CEP85L: variants seen among roughly 807,000 people sequenced by gnomAD.
CEP85L encodes centrosomal protein 85L.
In CEP85L, 60 loss-of-function variants were observed where a neutral mutation model predicts 100.3. The ratio of observed to expected loss-of-function variants is 0.60; its 90% confidence interval spans 0.49 to 0.74. CEP85L has a LOEUF of 0.74. Ranked by LOEUF, CEP85L falls within the 30% of genes least tolerant of loss-of-function variation. The probability of loss-of-function intolerance (pLI) is 0.00; values close to 1 mark genes in which losing one functional copy is unlikely to be tolerated. For missense variants in CEP85L, 973 were observed against 936.2 expected (o/e 1.04, Z -0.51); for synonymous variants, 319 against 322.7 (o/e 0.99, Z 0.12).
intron 5 of CEP85L, among the ~76,000 whole-genome samples, chr6:118,506,220 A>C (rs1053530941): frequency 6.6e-6 from 1 of 152,200 alleles, no homozygotes; most frequent in Non-Finnish European, 1.5e-5. Flanking sequence ...CACTAACAAA[A>C]ACAGTGACTC....
intron 7 of CEP85L, among the ~76,000 whole-genome samples, chr6:118,482,772 T>C (rs946492158): frequency 6.6e-6 from 1 of 152,212 alleles, no homozygotes; most frequent in African/African-American, 2.4e-5. Context: ...TCATGCAACC[T>C]CCTGCAGTCC....
intron 1 of CEP85L, among the ~76,000 whole-genome samples, chr6:118,707,708 A>C (rs1370412718): frequency 6.6e-6 from 1 of 152,168 alleles, no homozygotes; most frequent in Non-Finnish European, 1.5e-5. Flanking sequence ...TAGGTATAGG[A>C]GTTTTATACT....
chr6:118,651,463 C>T lies in CEP85L; in HGVS notation c.-194G>A, dbSNP rs1775556771. On this transcript the variant is annotated 5_prime_UTR_variant, in exon 1 of 13. Coordinates refer to ENST00000368491, the MANE Select transcript of CEP85L (RefSeq NM_001042475.3). ...GCCAGATTCGCCGCACTGCCGGCGC[C>T]TGCCATGGCCAAGCCGGCTGGGCTG... is the stretch of plus-strand genomic sequence containing the variant. The T allele has an allele frequency of 3.0e-6, 4 of 1,318,254 alleles. No homozygotes were observed. Among genetic ancestry groups the T allele is most frequent in the Non-Finnish European group, 3.9e-6 (4 of 1,037,348 alleles). The allele number at this position is 1,318,254 out of a possible 1,614,324, so 81.7% of individuals were successfully genotyped here.
chr6:118,617,930 G>T (rs992106525), intron 2 of CEP85L, among the ~76,000 whole-genome samples: 1 of 152,154 alleles, frequency 6.6e-6, no homozygotes, highest in African/African-American at 2.4e-5. Flanking sequence ...CTGGGCACCT[G>T]TCAGCCAGTT....
rs147362475 is a variant in CEP85L at position 118,644,583 on chromosome 6, C to A, written c.73+6614G>T. 4.5e-3 allele frequency among the ~76,000 whole-genome samples: 692 copies of A among 152,278 alleles called. 4 individuals are homozygous for A. The highest frequency in any genetic ancestry group is 0.016 in the African/African-American group (654 of 41,556). On this transcript the variant is annotated intron_variant, in intron 1 of 12. Transcript: ENST00000368491. ...TCCATTTATTTTCCTTACACTCTCT[C>A]CCCACCGCCCTCTGCCCACTAACCT...
At chr6:118,501,901 T>C in intron 5 of CEP85L, 1 of 1,165,934 alleles carries the variant, frequency 8.6e-7, no homozygotes, top group Non-Finnish European at 1.2e-6. Flanking sequence ...AAGACAAAGA[T>C]ATGCTTTTAA....
intron 2 of CEP85L, among the ~76,000 whole-genome samples, chr6:118,584,815 C>A (rs1229933653): frequency 6.6e-6 from 1 of 152,236 alleles, no homozygotes; most frequent in East Asian, 1.9e-4. Context: ...AGGACTACTG[C>A]ACTTTTGGGG....
rs1194196505 is a variant in CEP85L, at chr6:118,624,198, G to A, written c.232+8255C>T. The stretch of plus-strand genomic sequence containing the variant: ...AAAAACTCATCTCTACCTAATAGAG[G>A]ATAAGCAGAAAGCCTACATGGATCT... On this transcript the variant is annotated intron_variant, in intron 2 of 12. Transcript: ENST00000368491. 2.6e-5 allele frequency among the ~76,000 whole-genome samples: 4 copies of A among 152,150 alleles called. No homozygotes were observed. In the East Asian group the frequency reaches 7.7e-4, roughly 29 times the overall value.
intron 9 of CEP85L, 59 bp from the exon 10 acceptor site, chr6:118,479,980 C>A: frequency 2.3e-6 from 2 of 858,312 alleles, no homozygotes; most frequent in South Asian, 1.7e-5. Context: ...TTAAAAGTAC[C>A]AACATTTCAA....
In CEP85L at chr6:118,519,432, CTGTGTGTGTG is replaced by C. The variant is rs546998242; in HGVS notation, c.1139+4360_1139+4369del. ...CCAGTCTGGGTGACAGAGCAAAACT[CTGTGTGTGTG>C]TGTGTGTGTGTGTGTGTGTGTGTGT... On this transcript the variant is annotated intron_variant, in intron 4 of 12. Coordinates refer to ENST00000368491, the MANE Select transcript of CEP85L (RefSeq NM_001042475.3). Among the ~76,000 whole-genome samples the C allele has an allele frequency of 4.2e-3, 101 of 23,966 alleles. 2 individuals carry two copies. The highest frequency in any genetic ancestry group is 6.1e-3 in the African/African-American group (32 of 5,234). 15.7% of individuals were successfully genotyped at this position (23,966 alleles called of 152,430 possible).
chr6:118,551,424 C>T (rs1778537706), intron 3 of CEP85L, among the ~76,000 whole-genome samples: 1 of 152,000 alleles, frequency 6.6e-6, no homozygotes, highest in East Asian at 1.9e-4. Context: ...CTCAATACTA[C>T]CTCCCCATAT....
At chr6:118,649,736 GA>G (rs11372769) in intron 1 of CEP85L, among the ~76,000 whole-genome samples, 2 of 150,548 alleles carry the variant, frequency 1.3e-5, no homozygotes, top group Admixed American at 1.3e-4. Context: ...ATACAATTTA[GA>G]AAAAAAAAAT....
chr6:118,551,262 GTCAA>G (rs1778525709), intron 3 of CEP85L, among the ~76,000 whole-genome samples: 1 of 151,710 alleles, frequency 6.6e-6, no homozygotes, highest in Non-Finnish European at 1.5e-5. Context: ...CATACTCATA[GTCAA>G]CTGAGGACCT....
chr6:118,559,513 TCAC>T (rs765386927), intron 3 of CEP85L: 177 of 207,658 alleles, frequency 8.5e-4, no homozygotes, highest in Admixed American at 2.7e-3. Flanking sequence ...TTTCAGGTCT[TCAC>T]CAAGTATCAA....
intron 2 of CEP85L, among the ~76,000 whole-genome samples, chr6:118,596,575 A>G (rs1396232617): frequency 1.3e-5 from 2 of 152,172 alleles, no homozygotes; most frequent in Non-Finnish European, 2.9e-5. Context: ...TTACATCAAC[A>G]CACATAGCAG....
rs535540133 is a variant in CEP85L, at chr6:118,510,779, A to G, written c.1257+519T>C. On this transcript the variant is annotated intron_variant, in intron 5 of 12. Coordinates refer to ENST00000368491, the MANE Select transcript of CEP85L (RefSeq NM_001042475.3). ...ATAAAAGGTTATTCTTTACAGCATC[A>G]TTTACAATAACCCTAAACTGAAAAC... Among the ~76,000 whole-genome samples the G allele has an allele frequency of 2.0e-5, 3 of 152,286 alleles. No individual in the cohort carries two copies. The South Asian group carries it at 6.2e-4, about 32-fold the overall frequency.
chr6:118,705,730 C>A (rs1005513455), intron 1 of CEP85L, among the ~76,000 whole-genome samples: 7 of 152,228 alleles, frequency 4.6e-5, no homozygotes, highest in African/African-American at 1.7e-4. Flanking sequence ...GAGCCCTTCT[C>A]ACAATATGCT....
chr6:118,590,361 T>C (rs1356090220), intron 2 of CEP85L, among the ~76,000 whole-genome samples: 2 of 152,166 alleles, frequency 1.3e-5, no homozygotes, highest in Non-Finnish European at 2.9e-5. Context: ...AGCTTTGATA[T>C]GCAAATACCA....
At chr6:118,527,679 C>A (rs1777056967) in intron 3 of CEP85L, among the ~76,000 whole-genome samples, 1 of 152,108 alleles carries the variant, frequency 6.6e-6, no homozygotes, top group African/African-American at 2.4e-5. Flanking sequence ...AACAAAAGAG[C>A]ATTATCACTA....
Sources: gnomAD v4.1 joint callset for allele counts (sites outside exome capture counted in the v4.1 genomes callset) on GRCh38, gnomAD v4.1.1 for gene constraint, MANE v1.5 for transcripts, NCBI Gene and HGNC (gene_info 2026-07-23, HGNC 2026-07-21) for gene names.